The following ADAMTS20 variants were observed in gnomAD, a reference collection of about 807,000 sequenced individuals.
ADAMTS20 encodes the protein ADAM metallopeptidase with thrombospondin type 1 motif 20.
A neutral mutation model predicts 260.1 loss-of-function variants in ADAMTS20; 225 were observed. The observed-to-expected ratio is 0.87, with a 90% CI of 0.78 to 0.97. The LOEUF is 0.97. Among genes scored for constraint, ADAMTS20 ranks in the 50% least tolerant of loss-of-function variants. ADAMTS20 has a pLI of 0.00. For missense variants in ADAMTS20, 2,400 were observed against 2,337.7 expected (o/e 1.03, Z -0.55); for synonymous variants, 802 against 769.5 (o/e 1.04, Z -0.70).
At position 43,486,940 on chromosome 12, in the gene ADAMTS20, T is replaced by C. The variant is rs142887507; in HGVS notation, c.1117+3455A>G. Among the ~76,000 whole-genome samples the C allele has an allele frequency of 7.3e-3, 1,119 of 152,272 alleles. 17 individuals are homozygous for C. Among genetic ancestry groups the C allele is most frequent in the African/African-American group, 0.026 (1,095 of 41,552 alleles). On this transcript the variant is annotated intron_variant, in intron 7 of 38. Coordinates refer to ENST00000389420, the MANE Select transcript of ADAMTS20 (RefSeq NM_025003.5). ...AAACAACAACAGATATTGGCATAGA[T>C]GTGGTAAAAAAGAAATGCAAGTACA...
Position 43,377,257 on chromosome 12 carries a change from G to C in ADAMTS20, c.4995+108C>G, listed in dbSNP as rs1254517388. On this transcript the variant is annotated intron_variant, in intron 32 of 38. Transcript: ENST00000389420. ...GTAATGTGGATTTTAGAAAATAGTG[G>C]TCTGAGGCAACTCTGAGGATCTAGT... 4.9e-5 allele frequency: 45 copies of C among 918,290 alleles called. 1 individual carries two copies. The highest frequency in any genetic ancestry group is 4.7e-4 in the Middle Eastern group (2 of 4,268). The allele number at this position is 918,290 out of a possible 1,614,324, so 56.9% of individuals were successfully genotyped here. A position where few individuals can be genotyped will look rare whatever the true frequency, so the allele number is the denominator to read the frequency against.
At chr12:43,430,216 G>GCC (rs1941413910) in intron 23 of ADAMTS20, 136 bp downstream of exon 23, 1 of 947,918 alleles carries the variant, frequency 1.1e-6, no homozygotes, top group South Asian at 3.5e-5. Context: ...CTATTTTTTT[G>GCC]CCTCTCTCTC....
At chr12:43,523,566 T>C (rs1327271870) in intron 3 of ADAMTS20, among the ~76,000 whole-genome samples, 1 of 152,148 alleles carries the variant, frequency 6.6e-6, no homozygotes, top group Non-Finnish European at 1.5e-5. Context: ...TGAGCTTAGA[T>C]GGCCTAAAAT....
intron 37 of ADAMTS20, among the ~76,000 whole-genome samples, chr12:43,366,365 AAC>A (rs1271281942): frequency 6.6e-6 from 1 of 151,952 alleles, no homozygotes; most frequent in East Asian, 1.9e-4. Context: ...TGAATTGAGA[AAC>A]AGACAATTTA....
intron 38 of ADAMTS20, 55 bp downstream of exon 38, chr12:43,356,429 C>T: frequency 8.6e-7 from 1 of 1,163,820 alleles, no homozygotes; most frequent in Non-Finnish European, 1.2e-6. Flanking sequence ...ACCTTTAATG[C>T]TAGTTCATAG....
rs11182088 is a variant in ADAMTS20 at position 43,466,723 on chromosome 12, A to G, written c.1296T>C (p.Pro432=). 0.35 allele frequency: 556,144 copies of G among 1,609,762 alleles called. 101,167 individuals are homozygous for G. The highest frequency in any genetic ancestry group is 0.72 in the East Asian group (32,282 of 44,694). Residue 432 remains proline, a synonymous_variant, in exon 9 of 39, where the codon CCT becomes CCC. Coordinates refer to ENST00000389420, the MANE Select transcript of ADAMTS20 (RefSeq NM_025003.5). ...MKVTKYHVMA[P]ALSFHMSPWS... ...AAGGACTCATGTGAAAACTTAAAGC[A>G]GGGGCCATTACATGATACTTTGTAA...
intron 3 of ADAMTS20, among the ~76,000 whole-genome samples, chr12:43,503,712 C>G (rs1387092298): frequency 6.6e-6 from 1 of 152,056 alleles, no homozygotes; most frequent in Admixed American, 6.6e-5. Context: ...GATCCTCTCC[C>G]TCCTCCCACC....
intron 4 of ADAMTS20, among the ~76,000 whole-genome samples, chr12:43,496,241 A>G (rs1442380802): frequency 6.6e-6 from 1 of 152,208 alleles, no homozygotes; most frequent in African/African-American, 2.4e-5. Context: ...TTTAATTATC[A>G]CAACAAATCT....
intron 7 of ADAMTS20, among the ~76,000 whole-genome samples, chr12:43,470,544 T>TAA: frequency 6.6e-6 from 1 of 152,308 alleles, no homozygotes; most frequent in East Asian, 1.9e-4. Flanking sequence ...CTAGACTCAT[T>TAA]CAAGCTAATT....
chr12:43,446,160 G>A (rs1447787546), intron 15 of ADAMTS20, among the ~76,000 whole-genome samples: 1 of 152,076 alleles, frequency 6.6e-6, no homozygotes, highest in African/African-American at 2.4e-5. Flanking sequence ...AATAAGAAAT[G>A]TAACAGATAG....
chr12:43,439,920 G>C lies in ADAMTS20; in HGVS notation c.2440C>G (p.Gln814Glu). Residue 814 changes from glutamine to glutamate, a missense_variant, in exon 17 of 39, where the codon CAA (glutamine) becomes GAA (glutamate). Transcript: ENST00000389420. ...ACCTGCAAAATAAGTTCTTTCTCTTGTCGATTAGTACTATTAATTCTTTCA... is the reference window on the plus strand; with the variant it reads ...ACCTGCAAAATAAGTTCTTTCTCTTCTCGATTAGTACTATTAATTCTTTCA... Reference protein sequence around the residue: ...AVERINSTNRQEKELILQVLC... With the variant: ...AVERINSTNREEKELILQVLC... 2 of 1,605,614 alleles carry C rather than the reference G, an allele frequency of 1.2e-6. No homozygotes were observed. The highest frequency in any genetic ancestry group is 1.7e-6 in the Non-Finnish European group (2 of 1,175,688).
At chr12:43,468,388 T>A (rs1942192649) in intron 8 of ADAMTS20, among the ~76,000 whole-genome samples, 1 of 152,224 alleles carries the variant, frequency 6.6e-6, no homozygotes, top group Non-Finnish European at 1.5e-5. Flanking sequence ...TCCCAAGTTC[T>A]AGTTCTTTGC....
chr12:43,477,686 C>T (rs1283513059), intron 7 of ADAMTS20, among the ~76,000 whole-genome samples: 1 of 152,188 alleles, frequency 6.6e-6, no homozygotes, highest in African/African-American at 2.4e-5. Flanking sequence ...CACAAGCATG[C>T]AGGCATATGT....
At chr12:43,503,678 G>A (rs1942800458) in intron 3 of ADAMTS20, among the ~76,000 whole-genome samples, 1 of 152,012 alleles carries the variant, frequency 6.6e-6, no homozygotes, top group Non-Finnish European at 1.5e-5. Flanking sequence ...TACTAAGTAT[G>A]TTACCCCATA....
intron 3 of ADAMTS20, among the ~76,000 whole-genome samples, chr12:43,503,259 G>A (rs1485455239): frequency 1.3e-5 from 2 of 151,762 alleles, no homozygotes; most frequent in Non-Finnish European, 2.9e-5. Flanking sequence ...TCTGACAATT[G>A]TTTGGTGGTG....
intron 7 of ADAMTS20, among the ~76,000 whole-genome samples, chr12:43,485,114 A>AACC (rs1374811638): frequency 3.4e-5 from 5 of 149,118 alleles, no homozygotes; most frequent in Non-Finnish European, 6.0e-5. Flanking sequence ...AAAAAAAAGC[A>AACC]ACAACAACAA....
chr12:43,433,741 C>T (rs1330018711), intron 19 of ADAMTS20: 4 of 421,444 alleles, frequency 9.5e-6, no homozygotes, highest in Non-Finnish European at 1.4e-5. Context: ...CACACACACA[C>T]AAACCAAATA....
In ADAMTS20 at chr12:43,434,293, G is replaced by A; in HGVS notation, c.2672C>T (p.Pro891Leu). The A allele has an allele frequency of 5.0e-6, 8 of 1,592,238 alleles. No individual in the cohort carries two copies. The highest frequency in any genetic ancestry group is 6.9e-6 in the Non-Finnish European group (8 of 1,167,822). ...VVSDKECDHLPLPSFVTQSCN... is the reference protein window; with the variant it reads ...VVSDKECDHLLLPSFVTQSCN... The stretch of plus-strand genomic sequence containing the variant: ...ACTTTGAGTAACAAATGATGGAAGT[G>A]GCAAGTGGTCACATTCTTTATCAGA... The change falls in exon 19 of 39, where the codon CCA becomes CTA. Residue 891 changes from proline to leucine, a missense_variant. By Grantham distance (98) the Pro-to-Leu change is moderately conservative. Transcript: ENST00000389420.
chr12:43,487,313 A>C (rs532517733), intron 7 of ADAMTS20, among the ~76,000 whole-genome samples: 1 of 152,254 alleles, frequency 6.6e-6, no homozygotes, highest in African/African-American at 2.4e-5. Context: ...GAAGTTACTC[A>C]AGAATCAAAA....
Sources: gnomAD v4.1 joint callset for allele counts (sites outside exome capture counted in the v4.1 genomes callset) on GRCh38, gnomAD v4.1.1 for gene constraint, MANE v1.5 for transcripts, NCBI Gene and HGNC (gene_info 2026-07-23, HGNC 2026-07-21) for gene names.